The following ATP9B variants were observed in gnomAD, a reference collection of about 807,000 sequenced individuals.
ATP9B encodes ATPase phospholipid transporting 9B, also known as probable phospholipid-transporting ATPase IIB.
ATP9B carries 110 observed loss-of-function variants against 146.1 expected under a neutral mutation model. That is an observed-to-expected ratio of 0.75 (90% CI 0.65 to 0.88). The LOEUF is 0.88. Among genes scored for constraint, ATP9B ranks in the 40% least tolerant of loss-of-function variants. The probability of loss-of-function intolerance (pLI) is 0.00; values close to 1 mark genes in which losing one functional copy is unlikely to be tolerated. For synonymous variants in ATP9B, 604 were observed against 569.7 expected (o/e 1.06, Z -0.86); for missense variants, 1,499 against 1,496.4 (o/e 1.00, Z -0.03).
At chr18:79,271,130 T>G (rs1187269593) in intron 12 of ATP9B, among the ~76,000 whole-genome samples, 2 of 152,224 alleles carry the variant, frequency 1.3e-5, no homozygotes, top group African/African-American at 2.4e-5. Context: ...ACCACTTTAT[T>G]GCAAATCTCC....
chr18:79,341,847 C>T (rs1432484465), intron 19 of ATP9B, among the ~76,000 whole-genome samples: 1 of 152,206 alleles, frequency 6.6e-6, no homozygotes, highest in African/African-American at 2.4e-5. Context: ...GATTCTTGTG[C>T]AGCCATCACC....
At chr18:79,327,432 C>T (rs532472695) in intron 15 of ATP9B, among the ~76,000 whole-genome samples, 1 of 152,096 alleles carries the variant, frequency 6.6e-6, no homozygotes, top group Non-Finnish European at 1.5e-5. Flanking sequence ...AGAGAGCGTG[C>T]TCTCCATGGT....
chr18:79,099,597 A>G (rs1232954808), intron 2 of ATP9B, among the ~76,000 whole-genome samples: 2 of 152,060 alleles, frequency 1.3e-5, no homozygotes, highest in Non-Finnish European at 2.9e-5. Flanking sequence ...CTTGATTTCC[A>G]AAGTTAGAGA....
intron 1 of ATP9B, chr18:79,077,977 A>C (rs1400143684): frequency 6.6e-6 from 1 of 152,232 alleles, no homozygotes; most frequent in Non-Finnish European, 1.5e-5. Context: ...TTGAAACTTT[A>C]ACAGGAACGA....
chr18:79,155,961 A>G (rs1327007267), intron 7 of ATP9B, among the ~76,000 whole-genome samples: 33 of 151,476 alleles, frequency 2.2e-4, no homozygotes, highest in Non-Finnish European at 8.8e-5. Context: ...ACGGGGTTTC[A>G]CCATGTTAGC....
At position 79,235,281 on chromosome 18, in the gene ATP9B, C is replaced by G. The variant is rs1163466772; in HGVS notation, c.1108-18100C>G. ...AGTCCAGTTTTACTCCAATTTAATTCTCTTGTAAAATAACCTTCCTCCACA... is the reference window on the plus strand; with the variant it reads ...AGTCCAGTTTTACTCCAATTTAATTGTCTTGTAAAATAACCTTCCTCCACA... On this transcript the variant is annotated intron_variant, in intron 11 of 29. Coordinates refer to ENST00000426216, the MANE Select transcript of ATP9B (RefSeq NM_198531.5). 2.6e-5 allele frequency among the ~76,000 whole-genome samples: 4 copies of G among 152,178 alleles called. No homozygotes were observed. The East Asian group carries it at 5.8e-4, about 22-fold the overall frequency.
chr18:79,195,802 A>C (rs894247251), intron 9 of ATP9B, among the ~76,000 whole-genome samples: 62 of 152,334 alleles, frequency 4.1e-4, no homozygotes, highest in African/African-American at 1.5e-3. Context: ...GAAGAGAGTC[A>C]AGGAAACGAG....
intron 23 of ATP9B, 146 bp downstream of exon 23, chr18:79,345,985 C>G (rs1246571778): frequency 1.0e-5 from 9 of 883,394 alleles, no homozygotes; most frequent in Non-Finnish European, 5.5e-6. Flanking sequence ...AGCAAACACT[C>G]AGCACATGCT....
At chr18:79,172,504 T>A (rs1203914192) in intron 7 of ATP9B, among the ~76,000 whole-genome samples, 2 of 97,794 alleles carry the variant, frequency 2.0e-5, no homozygotes, top group Non-Finnish European at 3.8e-5. Context: ...ATTACAGGCG[T>A]GAGCCACCGT....
intron 1 of ATP9B, among the ~76,000 whole-genome samples, chr18:79,072,564 C>T (rs1390138245): frequency 1.5e-5 from 2 of 132,206 alleles, no homozygotes; most frequent in South Asian, 5.1e-4. Context: ...TACACAGACA[C>T]AGTAACAATC....
intron 1 of ATP9B, among the ~76,000 whole-genome samples, chr18:79,083,929 CT>C (rs1291120019): frequency 6.7e-6 from 1 of 149,306 alleles, no homozygotes; most frequent in Non-Finnish European, 1.5e-5. Context: ...GTGGCGCCAT[CT>C]TGGCTCACTG....
chr18:79,312,283 T>C (rs146575726), intron 15 of ATP9B, among the ~76,000 whole-genome samples: 202 of 152,344 alleles, frequency 1.3e-3, no homozygotes, highest in African/African-American at 4.7e-3. Flanking sequence ...ATTTACTTTT[T>C]CCTAAATGCA....
At chr18:79,338,352 C>T (rs1164001386) in intron 19 of ATP9B, among the ~76,000 whole-genome samples, 2 of 152,188 alleles carry the variant, frequency 1.3e-5, no homozygotes, top group African/African-American at 4.8e-5. Flanking sequence ...CCAGCACCTT[C>T]TCCGTAGCTG....
At chr18:79,328,773 G>A (rs939399869) in intron 15 of ATP9B, among the ~76,000 whole-genome samples, 6 of 152,136 alleles carry the variant, frequency 3.9e-5, no homozygotes, top group African/African-American at 1.4e-4. Flanking sequence ...TGGGGAGGGA[G>A]AAACCTTGAA....
At chr18:79,123,482 A>C (rs187269096) in intron 4 of ATP9B, among the ~76,000 whole-genome samples, 32 of 152,310 alleles carry the variant, frequency 2.1e-4, no homozygotes, top group African/African-American at 7.5e-4. Context: ...AAACTGACAC[A>C]CAAATTTAAT....
chr18:79,307,454 G>A (rs1189993914), intron 15 of ATP9B: 2 of 605,138 alleles, frequency 3.3e-6, no homozygotes, highest in African/African-American at 1.9e-5. Context: ...CCACATCTCG[G>A]CACATCCCAG....
chr18:79,072,368 G>C (rs1599294711), intron 1 of ATP9B, among the ~76,000 whole-genome samples: 1 of 152,060 alleles, frequency 6.6e-6, no homozygotes, highest in East Asian at 1.9e-4. Flanking sequence ...CGAGCATGCT[G>C]CCTTCAAGCA....
At chr18:79,353,196 G>C (rs576583271) in intron 25 of ATP9B, 1 of 152,406 alleles carries the variant, frequency 6.6e-6, no homozygotes, top group African/African-American at 2.4e-5. Flanking sequence ...ACTCCAGAAA[G>C]CAGGCTGGCA....
intron 13 of ATP9B, among the ~76,000 whole-genome samples, chr18:79,302,736 A>G (rs904498720): frequency 1.3e-5 from 2 of 152,096 alleles, no homozygotes; most frequent in East Asian, 1.9e-4. Flanking sequence ...CACTAAAGAA[A>G]AGCCATCCTA....
Sources: allele counts gnomAD v4.1 joint callset (sites outside exome capture counted in the v4.1 genomes callset), GRCh38; gene constraint gnomAD v4.1.1; transcripts MANE v1.5; gene names NCBI Gene and HGNC (gene_info 2026-07-23, HGNC 2026-07-21).